PLPPR5: variants seen among roughly 807,000 people sequenced by gnomAD.
PLPPR5 encodes phospholipid phosphatase-related protein type 5.
In PLPPR5, 16 loss-of-function variants were observed where a neutral mutation model predicts 33.9. The ratio of observed to expected loss-of-function variants is 0.47; its 90% CI spans 0.32 to 0.72. The LOEUF (loss-of-function observed/expected upper bound fraction) is 0.72. Among genes scored for constraint, PLPPR5 ranks in the 30% least tolerant of loss-of-function variants. PLPPR5 has a pLI of 0.03. For synonymous variants in PLPPR5, 163 were observed against 150.3 expected (o/e 1.08, Z -0.62); for missense variants, 301 against 406.7 (o/e 0.74, Z 2.23).
At chr1:98,902,785 A>G (rs1648744740) in intron 5 of PLPPR5, among the ~76,000 whole-genome samples, 1 of 152,134 alleles carries the variant, frequency 6.6e-6, no homozygotes, top group Non-Finnish European at 1.5e-5. Context: ...TCTCTCCTTA[A>G]CTAATGACTG....
intron 1 of PLPPR5, among the ~76,000 whole-genome samples, chr1:98,964,843 G>C (rs570540738): frequency 8.5e-5 from 13 of 152,224 alleles, no homozygotes; most frequent in African/African-American, 2.6e-4. Context: ...TTGTTCTGTT[G>C]CCCAGGGTGG....
chr1:98,932,372 G>A (rs1317369904), intron 3 of PLPPR5, among the ~76,000 whole-genome samples: 1 of 152,130 alleles, frequency 6.6e-6, no homozygotes, highest in African/African-American at 2.4e-5. Flanking sequence ...GTGGAGACAG[G>A]GGTTATGTTT....
At chr1:98,988,466 A>T (rs1456391382) in intron 1 of PLPPR5, among the ~76,000 whole-genome samples, 1 of 152,138 alleles carries the variant, frequency 6.6e-6, no homozygotes, top group Non-Finnish European at 1.5e-5. Flanking sequence ...ATTTATTATC[A>T]ACTTGTAGGC....
chr1:98,972,574 C>A (rs953900737), intron 1 of PLPPR5, among the ~76,000 whole-genome samples: 1 of 152,096 alleles, frequency 6.6e-6, no homozygotes, highest in Non-Finnish European at 1.5e-5. Flanking sequence ...AAATCCTTTA[C>A]ATTCTGAAGT....
At chr1:98,935,076 T>C (rs1301864735) in intron 3 of PLPPR5, among the ~76,000 whole-genome samples, 1 of 152,156 alleles carries the variant, frequency 6.6e-6, no homozygotes, top group African/African-American at 2.4e-5. Context: ...GATTACATGA[T>C]TGCATGTTAT....
At chr1:98,945,836 T>C (rs1057387966) in intron 3 of PLPPR5, among the ~76,000 whole-genome samples, 2 of 152,206 alleles carry the variant, frequency 1.3e-5, no homozygotes, top group African/African-American at 4.8e-5. Flanking sequence ...AAGCTGGTGA[T>C]GGTTTAGAAA....
chr1:98,914,895 T>C lies in PLPPR5; in HGVS notation c.824A>G (p.Lys275Arg), dbSNP rs1162334902. 1.9e-6 allele frequency: 3 copies of C among 1,612,024 alleles called. No homozygotes were observed. The highest frequency in any genetic ancestry group is 2.5e-6 in the Non-Finnish European group (3 of 1,179,608). The change falls in exon 5 of 6, where the codon AAA becomes AGA. Residue 275 changes from lysine to arginine, a missense_variant. Physicochemically the swap from Lys to Arg is conservative, Grantham distance 26. Transcript: ENST00000263177. Reference protein sequence around the residue: ...FLVVCVVNNFKGRQAENEHIH... With the variant: ...FLVVCVVNNFRGRQAENEHIH... The stretch of plus-strand genomic sequence containing the variant: ...ATGCTCATTTTCTGCTTGTCTCCCT[T>C]TGAAATTATTCACCACGCACACAAC...
chr1:98,952,928 T>A (rs1036877221), intron 3 of PLPPR5, 142 bp downstream of exon 3: 9 of 974,676 alleles, frequency 9.2e-6, no homozygotes, highest in Non-Finnish European at 1.3e-5. Flanking sequence ...AAACAGCTAT[T>A]ATTAAAAATA....
intron 5 of PLPPR5, among the ~76,000 whole-genome samples, chr1:98,893,395 T>C (rs1308447300): frequency 1.3e-5 from 2 of 152,178 alleles, no homozygotes; most frequent in Non-Finnish European, 2.9e-5. Flanking sequence ...CACGTTAATA[T>C]TCTGTTCAGT....
intron 5 of PLPPR5, among the ~76,000 whole-genome samples, chr1:98,902,749 T>C (rs1648743989): frequency 6.6e-6 from 1 of 152,128 alleles, no homozygotes; most frequent in South Asian, 2.1e-4. Flanking sequence ...GCACTGGAAA[T>C]GATTTTTAAA....
intron 5 of PLPPR5, among the ~76,000 whole-genome samples, chr1:98,909,789 A>G (rs1436908732): frequency 1.3e-5 from 2 of 152,308 alleles, no homozygotes; most frequent in South Asian, 2.1e-4. Context: ...TAGCTTATAT[A>G]TTTTAATATG....
intron 5 of PLPPR5, among the ~76,000 whole-genome samples, chr1:98,901,786 T>C (rs1219686693): frequency 2.0e-5 from 3 of 152,094 alleles, no homozygotes; most frequent in African/African-American, 7.2e-5. Flanking sequence ...TATGAATTTA[T>C]CTTAAATTAT....
intron 1 of PLPPR5, among the ~76,000 whole-genome samples, chr1:98,976,137 C>A (rs114030423): frequency 0.023 from 3,085 of 136,494 alleles, 47 homozygotes; most frequent in African/African-American, 0.038. Flanking sequence ...CCATGAATAA[C>A]CTTTCTCAAA....
intron 1 of PLPPR5, among the ~76,000 whole-genome samples, chr1:98,957,837 C>T (rs1031253186): frequency 6.6e-6 from 1 of 152,176 alleles, no homozygotes; most frequent in Non-Finnish European, 1.5e-5. Flanking sequence ...GGTTCTGTTA[C>T]AGATGCTTTG....
intron 2 of PLPPR5, 26 bp from the exon 3 acceptor site, chr1:98,953,346 ACTT>A (rs1650858974): frequency 6.5e-7 from 1 of 1,537,980 alleles, no homozygotes; most frequent in African/African-American, 1.6e-5. Context: ...AATAATTTTA[ACTT>A]CTTGCTTGTG....
At chr1:98,962,839 T>C (rs1376963356) in intron 1 of PLPPR5, among the ~76,000 whole-genome samples, 1 of 152,140 alleles carries the variant, frequency 6.6e-6, no homozygotes, top group Non-Finnish European at 1.5e-5. Flanking sequence ...TTTTTATTTT[T>C]AGTTTTTGTA....
intron 3 of PLPPR5, among the ~76,000 whole-genome samples, chr1:98,929,207 G>A (rs1267683441): frequency 1.3e-5 from 2 of 152,128 alleles, no homozygotes; most frequent in Non-Finnish European, 1.5e-5. Context: ...TAATCTGTAG[G>A]ATTTAGAATG....
intron 3 of PLPPR5, among the ~76,000 whole-genome samples, chr1:98,942,974 G>A (rs1650431156): frequency 6.6e-6 from 1 of 152,178 alleles, no homozygotes; most frequent in Non-Finnish European, 1.5e-5. Context: ...AGAAAGAGAA[G>A]CCAGGTGCTG....
In PLPPR5 at chr1:98,952,262, C is replaced by CAAAAAAAAAAAAAA. The variant is rs779701945; in HGVS notation, c.621+807_621+808insTTTTTTTTTTTTTT. ...TGGGTGACAGAGCGAGACTCCGTCT[C>CAAAAAAAAAAAAAA]AGAAAAAAAAAAAAAAAAAAAAATC... On this transcript the variant is annotated intron_variant, in intron 3 of 5. Transcript: ENST00000263177. Among the ~76,000 whole-genome samples the CAAAAAAAAAAAAAA allele has an allele frequency of 2.6e-3, 294 of 113,034 alleles. 9 individuals carry two copies. Among genetic ancestry groups the CAAAAAAAAAAAAAA allele is most frequent in the African/African-American group, 9.0e-3 (287 of 31,870 alleles). 74.2% of individuals were successfully genotyped at this position (113,034 alleles called of 152,430 possible).
Sources: gnomAD v4.1 joint callset for allele counts (sites outside exome capture counted in the v4.1 genomes callset) on GRCh38, gnomAD v4.1.1 for gene constraint, MANE v1.5 for transcripts, NCBI Gene and HGNC (gene_info 2026-07-23, HGNC 2026-07-21) for gene names.